The following NOVA1 variants were observed in gnomAD, a reference collection of about 807,000 sequenced individuals.
NOVA1 encodes the protein RNA-binding protein Nova-1.
Under a neutral mutation model 38.0 loss-of-function variants are expected in NOVA1, and 7 were observed. That is an observed-to-expected ratio of 0.18 (90% CI 0.10 to 0.35). NOVA1 has a LOEUF of 0.35. Among genes scored for constraint, NOVA1 ranks in the 10% least tolerant of loss-of-function variants. NOVA1 has a pLI of 1.00. For missense variants in NOVA1, 460 were observed against 616.0 expected, an observed-to-expected ratio of 0.75 and a Z score of 2.68; for synonymous variants, 270 against 232.5, an observed-to-expected ratio of 1.16 and a Z score of -1.47.
intron 2 of NOVA1, among the ~76,000 whole-genome samples, chr14:26,502,426 A>T (rs1887305424): frequency 2.0e-5 from 3 of 151,848 alleles, no homozygotes; most frequent in Admixed American, 6.6e-5. Flanking sequence ...TCCATTTTTT[A>T]CTGTTTTTCA....
intron 2 of NOVA1, among the ~76,000 whole-genome samples, chr14:26,533,949 C>T (rs1282808887): frequency 6.6e-6 from 1 of 152,158 alleles, no homozygotes; most frequent in Non-Finnish European, 1.5e-5. Context: ...GCTCTGTGCT[C>T]AGACTGCTGT....
intron 2 of NOVA1, among the ~76,000 whole-genome samples, chr14:26,592,283 A>C (rs1893898090): frequency 6.6e-6 from 1 of 151,542 alleles, no homozygotes; most frequent in Admixed American, 6.6e-5. Flanking sequence ...CTGAAAAGGC[A>C]TACAATAATA....
chr14:26,560,879 C>A (rs1374830779), intron 2 of NOVA1, among the ~76,000 whole-genome samples: 1 of 152,158 alleles, frequency 6.6e-6, no homozygotes, highest in African/African-American at 2.4e-5. Context: ...ATTATTATTA[C>A]TGCTGCTGCT....
intron 2 of NOVA1, among the ~76,000 whole-genome samples, chr14:26,531,708 C>T (rs1889729438): frequency 6.6e-6 from 1 of 152,156 alleles, no homozygotes; most frequent in Admixed American, 6.5e-5. Context: ...AAAGCGTTTA[C>T]AAACTGGACT....
intron 2 of NOVA1, among the ~76,000 whole-genome samples, chr14:26,554,986 G>A (rs1891393710): frequency 6.6e-6 from 1 of 151,912 alleles, no homozygotes; most frequent in South Asian, 2.1e-4. Context: ...AAAATACTAG[G>A]TTTTACAGAA....
At chr14:26,450,173 G>C (rs569365821) in intron 4 of NOVA1, among the ~76,000 whole-genome samples, 2 of 152,204 alleles carry the variant, frequency 1.3e-5, no homozygotes, top group African/African-American at 4.8e-5. Context: ...AGGACATTTA[G>C]TTGTTTGAGG....
rs577858047 is a variant in NOVA1 at position 26,566,156 on chromosome 14, CAA to C, written c.280+29252_280+29253del. On this transcript the variant is annotated intron_variant, in intron 2 of 4. Coordinates refer to ENST00000539517, the MANE Select transcript of NOVA1 (RefSeq NM_002515.3). ...TAGCAAAATCTTAGAAATGCAATGACAAAAGAGTTCAAGCACCGTTCAAGGTT... is the reference window on the plus strand; with the variant it reads ...TAGCAAAATCTTAGAAATGCAATGACAAGAGTTCAAGCACCGTTCAAGGTT... 6.8e-4 allele frequency among the ~76,000 whole-genome samples: 103 copies of C among 152,184 alleles called. 1 individual carries two copies. Among genetic ancestry groups the C allele is most frequent in the African/African-American group, 2.1e-3 (86 of 41,548 alleles).
intron 2 of NOVA1, among the ~76,000 whole-genome samples, chr14:26,520,470 A>C (rs1566499410): frequency 3.3e-5 from 5 of 152,170 alleles, no homozygotes. Flanking sequence ...ACAGCACTTC[A>C]GCACTGCACT....
intron 2 of NOVA1, among the ~76,000 whole-genome samples, chr14:26,527,662 C>A (rs1254825697): frequency 6.6e-6 from 1 of 152,158 alleles, no homozygotes; most frequent in Non-Finnish European, 1.5e-5. Context: ...CCATATAGTT[C>A]TTAAGGATAC....
intron 2 of NOVA1, among the ~76,000 whole-genome samples, chr14:26,482,701 T>C (rs994674403): frequency 2.6e-5 from 4 of 152,096 alleles, no homozygotes; most frequent in African/African-American, 9.7e-5. Context: ...ATACCATTAA[T>C]TAATTAATTT....
rs368989846 is a variant in NOVA1, at chr14:26,448,480, C to T, written c.1003G>A (p.Gly335Ser). 113 of 1,613,756 alleles carry T rather than the reference C, an allele frequency of 7.0e-5. 1 individual carries two copies. The highest frequency in any genetic ancestry group is 8.9e-5 in the Non-Finnish European group (105 of 1,180,028). ...YGYNLNTLGLGLSQAAATGAL... is the reference protein window; with the variant it reads ...YGYNLNTLGLSLSQAAATGAL... ...CCTGTTGCTGCTGCTTGACTGAGACCTAAACCTAAAGTGTTGAGATTATAT... is the reference window on the plus strand; with the variant it reads ...CCTGTTGCTGCTGCTTGACTGAGACTTAAACCTAAAGTGTTGAGATTATAT... The change falls in exon 5 of 5, where the codon GGT (glycine) becomes AGT (serine). Residue 335 changes from glycine (G) to serine (S), a missense_variant. Physicochemically the swap from Gly to Ser is moderately conservative, Grantham distance 56 (BLOSUM62 0). Coordinates refer to ENST00000539517, the MANE Select transcript of NOVA1 (RefSeq NM_002515.3). The surrounding 1 kb of genome is among the most constrained non-coding windows in gnomAD (Gnocchi z 5.3).
chr14:26,492,709 T>C (rs1886436729), intron 2 of NOVA1, among the ~76,000 whole-genome samples: 1 of 152,158 alleles, frequency 6.6e-6, no homozygotes, highest in Non-Finnish European at 1.5e-5. Flanking sequence ...GGTTCACGCC[T>C]GTAATCCCAA....
chr14:26,522,883 AATT>A (rs1354606753), intron 2 of NOVA1, among the ~76,000 whole-genome samples: 1 of 152,140 alleles, frequency 6.6e-6, no homozygotes, highest in Non-Finnish European at 1.5e-5. Context: ...TAATTACACA[AATT>A]ATTATGCTCC....
At chr14:26,547,256 G>GA (rs1890850048) in intron 2 of NOVA1, among the ~76,000 whole-genome samples, 1 of 152,028 alleles carries the variant, frequency 6.6e-6, no homozygotes, top group Non-Finnish European at 1.5e-5. Flanking sequence ...AAGGCCCTTT[G>GA]AAAATCACCA....
chr14:26,533,756 A>G (rs1594483052), intron 2 of NOVA1, among the ~76,000 whole-genome samples: 1 of 152,182 alleles, frequency 6.6e-6, no homozygotes, highest in African/African-American at 2.4e-5. Flanking sequence ...GAATCCTAGG[A>G]AATTCTTATC....
chr14:26,521,342 T>G (rs1211818953), intron 2 of NOVA1, among the ~76,000 whole-genome samples: 1 of 152,086 alleles, frequency 6.6e-6, no homozygotes, highest in African/African-American at 2.4e-5. Context: ...AAGTAAAAAT[T>G]CAAGTTAATT....
intron 4 of NOVA1, among the ~76,000 whole-genome samples, chr14:26,452,200 C>T (rs1882742825): frequency 6.6e-6 from 1 of 152,050 alleles, no homozygotes; most frequent in African/African-American, 2.4e-5. Context: ...TCTTTTTTCT[C>T]TGAATAATTA....
At chr14:26,452,589 G>C (rs888905753) in intron 4 of NOVA1, among the ~76,000 whole-genome samples, 1 of 152,184 alleles carries the variant, frequency 6.6e-6, no homozygotes, top group Non-Finnish European at 1.5e-5. Flanking sequence ...TGTATACATG[G>C]ATTCATTTTC....
chr14:26,449,899 A>G (rs565625471), intron 4 of NOVA1, among the ~76,000 whole-genome samples: 20 of 152,160 alleles, frequency 1.3e-4, no homozygotes, highest in African/African-American at 4.8e-4. Context: ...AAAAATCAGC[A>G]TATTTTGACT....
Sources: allele counts gnomAD v4.1 joint callset (sites outside exome capture counted in the v4.1 genomes callset), GRCh38; gene constraint gnomAD v4.1.1; non-coding constraint Gnocchi (gnomAD v3.1); transcripts MANE v1.5; gene names NCBI Gene and HGNC (gene_info 2026-07-23, HGNC 2026-07-21).